Variants in TTN observed in about 807,000 individuals in gnomAD.
TTN encodes the protein titin.
Under a neutral mutation model 3,223.0 loss-of-function variants are expected in TTN, and 1,525 were observed. That is an observed-to-expected ratio of 0.47 (90% CI 0.45 to 0.49). TTN has a LOEUF of 0.49. TTN is among the 20% of genes least tolerant of loss of function. TTN has a pLI of 0.00. For synonymous variants in TTN, 14,094 were observed against 15,161.0 expected, an observed-to-expected ratio of 0.93 and a Z score of 5.17; for missense variants, 40,786 against 43,424.0, an observed-to-expected ratio of 0.94 and a Z score of 5.40.
chr2:178,667,290 C>G lies in TTN; in HGVS notation c.35743G>C (p.Glu11915Gln). 2.5e-6 allele frequency: 4 copies of G among 1,605,170 alleles called. No homozygotes were observed. Among genetic ancestry groups the G allele is most frequent in the Non-Finnish European group, 3.4e-6 (4 of 1,175,950 alleles). ...GGAATAGCCTCAGGTGGCTCCACCT[C>G]TGGAAAAATGCCTCTGGTTGTATCA... ...EPDTTRGIFP[E>Q]VEPPEAIPEI... The change falls in exon 162 of 363, where the codon GAG becomes CAG. Residue 11915 changes from glutamate to glutamine, a missense_variant. By Grantham distance (29) the Glu-to-Gln change is conservative. Coordinates refer to ENST00000589042, the MANE Select transcript of TTN (RefSeq NM_001267550.2).
intron 142 of TTN, 48 bp downstream of exon 142, chr2:178,679,291 C>T: frequency 3.2e-6 from 5 of 1,584,440 alleles, no homozygotes; most frequent in Non-Finnish European, 4.3e-6. Flanking sequence ...AGTTATGCTG[C>T]ATGGGTGAAT....
chr2:178,751,992 C>G, intron 47 of TTN: 2 of 1,586,760 alleles, frequency 1.3e-6, no homozygotes, highest in East Asian at 4.5e-5. Context: ...GAAAAGGCGT[C>G]ACGTGTATCC....
chr2:178,541,983 C>T (rs1356919420), intron 349 of TTN: 3 of 311,544 alleles, frequency 9.6e-6, no homozygotes, highest in Admixed American at 4.5e-5. Flanking sequence ...TCCTTCCCTT[C>T]TCTCTTTTCT....
rs372750796 is a variant in TTN, at chr2:178,583,633, T to A, written c.65549A>T (p.Asp21850Val). The A allele has an allele frequency of 2.5e-6, 4 of 1,608,820 alleles. No individual in the cohort carries two copies. The highest frequency in any genetic ancestry group is 3.4e-6 in the Non-Finnish European group (4 of 1,176,920). The change falls in exon 312 of 363, where the codon GAT (aspartate) becomes GTT (valine). Residue 21850 changes from aspartate to valine, a missense_variant. Coordinates refer to ENST00000589042, the MANE Select transcript of TTN (RefSeq NM_001267550.2). ...ATTTTCTGCGAGGATAGTCACTGGA[T>A]CAGAAGGTTCAGAAGGTGGGCTAAT... ...VNISPPSEPS[D>V]PVTILAENVP...
intron 47 of TTN, chr2:178,752,077 G>T: frequency 1.3e-6 from 2 of 1,552,572 alleles, no homozygotes; most frequent in South Asian, 2.4e-5. Context: ...ATTTTCCATA[G>T]AACTTGAAAA....
In TTN at chr2:178,629,420, G is replaced by T; in HGVS notation, c.44305C>A (p.Pro14769Thr). The T allele has an allele frequency of 6.2e-7, 1 of 1,612,958 alleles. No individual in the cohort carries two copies. Among genetic ancestry groups the T allele is most frequent in the East Asian group, 2.2e-5 (1 of 44,706 alleles). The change falls in exon 240 of 363, where the codon CCT (proline) becomes ACT (threonine). Residue 14769 changes from proline (P) to threonine (T), a missense_variant. Pro to Thr is a conservative substitution (Grantham distance 38, BLOSUM62 -1). Transcript: ENST00000589042. The part of the protein sequence containing the change: ...VKPRVIGLLR[P>T]LKDVTVTAGE... The stretch of plus-strand genomic sequence containing the variant: ...GCAGTCACGGTGACATCCTTTAAAG[G>T]CCTCAGAAGACCAATTACTCGTGCT...
chr2:178,800,646 T>C lies in TTN; in HGVS notation c.332A>G (p.Gln111Arg). The change falls in exon 4 of 363, where the codon CAG becomes CGG. Residue 111 changes from glutamine (Q) to arginine (R), a missense_variant. Coordinates refer to ENST00000589042, the MANE Select transcript of TTN (RefSeq NM_001267550.2). ...GCTTCCTTGTCTCACGGTCATGCTC[T>C]GCAGTCGTTGAACGAAGTTGGGTGG... The part of the protein sequence containing the change: ...TAPPNFVQRL[Q>R]SMTVRQGSQV... 1 of 1,610,740 alleles carries C rather than the reference T, an allele frequency of 6.2e-7. No individual in the cohort carries two copies. Among genetic ancestry groups the C allele is most frequent in the African/African-American group, 1.3e-5 (1 of 74,972 alleles).
In TTN at chr2:178,619,690, G is replaced by A; in HGVS notation, c.46627C>T (p.Pro15543Ser). The change falls in exon 250 of 363, where the codon CCC (proline) becomes TCC (serine). Residue 15543 changes from proline (P) to serine (S), a missense_variant. By Grantham distance (74) the Pro-to-Ser change is moderately conservative. Coordinates refer to ENST00000589042, the MANE Select transcript of TTN (RefSeq NM_001267550.2). ...IHRLQICDIK[P>S]RDQGEYRFIA... ...AATCTGTATTCACCCTGGTCACGGG[G>A]CTTAATATCACAAATCTGTAGTCGA... 1 of 1,612,208 alleles carries A rather than the reference G, an allele frequency of 6.2e-7. No homozygotes were observed. Among genetic ancestry groups the A allele is most frequent in the Non-Finnish European group, 8.5e-7 (1 of 1,178,872 alleles).
In TTN at chr2:178,741,523, T is replaced by G; in HGVS notation, c.11710A>C (p.Ser3904Arg). The G allele has an allele frequency of 6.2e-7, 1 of 1,613,914 alleles. No individual in the cohort carries two copies. Among genetic ancestry groups the G allele is most frequent in the Non-Finnish European group, 8.5e-7 (1 of 1,179,832 alleles). ...ASNDYGKTICSAYLKINSKGE... is the reference protein window; with the variant it reads ...ASNDYGKTICRAYLKINSKGE... ...TTGGAATTAATTTTTAGATAGGCAC[T>G]ACATATTGTCTTTCCATAGTCATTA... The change falls in exon 48 of 363, where the codon AGT (serine) becomes CGT (arginine). Residue 3904 changes from serine to arginine, a missense_variant. Ser to Arg is a moderately radical substitution (Grantham distance 110). Coordinates refer to ENST00000589042, the MANE Select transcript of TTN (RefSeq NM_001267550.2).
Position 178,616,787 on chromosome 2 carries a change from T to C in TTN, c.48102A>G (p.Thr16034=), listed in dbSNP as rs775753109. ...PSERSDKGIY[T]LKLENRVKTI... is the part of the protein sequence containing the mutation. ...TTTTCACACGGTTTTCTAATTTCAG[T>C]GTATAAATGCCCTTGTCTGAACGTT... Residue 16034 remains threonine (T), a synonymous_variant, in exon 256 of 363, where the codon ACA becomes ACG. Transcript: ENST00000589042. The C allele has an allele frequency of 6.2e-6, 10 of 1,612,664 alleles. No homozygotes were observed. The highest frequency in any genetic ancestry group is 8.5e-6 in the Non-Finnish European group (10 of 1,179,192).
rs1561323791 is a variant in TTN, at chr2:178,779,110, C to T, written c.3972G>A (p.Trp1324Ter). The T allele has an allele frequency of 6.2e-7, 1 of 1,613,752 alleles. No individual in the cohort carries two copies. Among genetic ancestry groups the T allele is most frequent in the Non-Finnish European group, 8.5e-7 (1 of 1,179,920 alleles). The change falls in exon 24 of 363, where the codon TGG (tryptophan) becomes TGA (stop). Residue 1324 changes from tryptophan to a stop codon, truncating the protein, a stop_gained. Coordinates refer to ENST00000589042, the MANE Select transcript of TTN (RefSeq NM_001267550.2). LOFTEE classifies it high-confidence loss of function. ...MSGYPLPKIAWYKDGKRIKHG... is the reference protein window; with the variant it reads ...MSGYPLPKIA ...GTTTGATGCGCTTGCCATCTTTGTA[C>T]CAAGCAATCTGCAAAGAATACCATG...
chr2:178,599,650 T>A lies in TTN; in HGVS notation c.56251A>T (p.Ile18751Phe). The A allele has an allele frequency of 1.9e-6, 3 of 1,612,966 alleles. No homozygotes were observed. The highest frequency in any genetic ancestry group is 1.7e-4 in the Middle Eastern group (1 of 6,048). The part of the protein sequence containing the change: ...LVVDDTCTLV[I>F]PQSRRSDTGL... ...GTGTCACTCCTGCGAGACTGCGGAA[T>A]AACTAAAGTGCAAGTATCATCTACC... The change falls in exon 289 of 363, where the codon ATT (isoleucine) becomes TTT (phenylalanine). Residue 18751 changes from isoleucine to phenylalanine, a missense_variant. Coordinates refer to ENST00000589042, the MANE Select transcript of TTN (RefSeq NM_001267550.2).
At chr2:178,685,474 G>A (rs1366408555) in intron 128 of TTN, 44 bp downstream of exon 128, 1 of 1,564,506 alleles carries the variant, frequency 6.4e-7, no homozygotes, top group African/African-American at 1.4e-5. Context: ...TAAAGAAGGA[G>A]ACAAGCTAAC....
Position 178,560,254 on chromosome 2 carries a change from A to C in TTN, c.85878T>G (p.Tyr28626Ter). Residue 28626 changes from tyrosine (Y) to a stop codon, truncating the protein, a stop_gained, in exon 326 of 363, where the codon TAT becomes TAG. Coordinates refer to ENST00000589042, the MANE Select transcript of TTN (RefSeq NM_001267550.2). LOFTEE classifies it high-confidence loss of function. Reference protein sequence around the residue: ...REGCEYEYRVYAENAAGLSLP... With the variant: ...REGCEYEYRV ...GACTTAGGCCAGCAGCATTTTCTGCATAAACACGATATTCATATTCACATC... is the reference window on the plus strand; with the variant it reads ...GACTTAGGCCAGCAGCATTTTCTGCCTAAACACGATATTCATATTCACATC... 6.2e-7 allele frequency: 1 copy of C among 1,613,862 alleles called. No individual in the cohort carries two copies. The highest frequency in any genetic ancestry group is 8.5e-7 in the Non-Finnish European group (1 of 1,179,804).
At chr2:178,538,031 A>G in intron 354 of TTN, 114 bp from the exon 355 acceptor site, 1 of 988,978 alleles carries the variant, frequency 1.0e-6, no homozygotes, top group South Asian at 1.8e-5. Context: ...CATGATTTAC[A>G]TATTAGCCTA....
rs2154208228 is a variant in TTN at position 178,616,718 on chromosome 2, T to C, written c.48160+11A>G. 6.2e-7 allele frequency: 1 copy of C among 1,612,288 alleles called. No homozygotes were observed. Among genetic ancestry groups the C allele is most frequent in the Non-Finnish European group, 8.5e-7 (1 of 1,179,078 alleles). On this transcript the variant is annotated intron_variant, in intron 256 of 362. Coordinates refer to ENST00000589042, the MANE Select transcript of TTN (RefSeq NM_001267550.2). ...CAAATCACCTTAGATGATAAATGTT[T>C]TGTTCCTTACCAATTACATTGACAT...
intron 288 of TTN, chr2:178,600,600 G>A: frequency 2.0e-6 from 1 of 500,746 alleles, no homozygotes; most frequent in Non-Finnish European, 3.6e-6. Flanking sequence ...AAATAAAACA[G>A]ACTGCGAGGA....
Position 178,607,933 on chromosome 2 carries a change from G to T in TTN, c.52854C>A (p.Arg17618=), listed in dbSNP as rs899709298. The change falls in exon 276 of 363, where the codon CGC becomes CGA. Residue 17618 remains arginine (R), a synonymous_variant. Coordinates refer to ENST00000589042, the MANE Select transcript of TTN (RefSeq NM_001267550.2). Reference sequence around the variant, plus strand: ...GGACCTTGATCATCTTCTCTGTGCAGCGTGACCATTCATTTGTGCCAACCA... The same window carrying T: ...GGACCTTGATCATCTTCTCTGTGCATCGTGACCATTCATTTGTGCCAACCA... ...KQLVGTNEWS[R]CTEKMIKVRQ... 2 of 1,612,886 alleles carry T rather than the reference G, an allele frequency of 1.2e-6. No homozygotes were observed. Among genetic ancestry groups the T allele is most frequent in the Non-Finnish European group, 1.7e-6 (2 of 1,179,304 alleles).
chr2:178,792,598 G>A (rs2093566766), intron 9 of TTN, among the ~76,000 whole-genome samples: 1 of 152,192 alleles, frequency 6.6e-6, no homozygotes, highest in Admixed American at 6.5e-5. Flanking sequence ...TTTTACATGT[G>A]AGAAATCAAG....
Sources: allele counts gnomAD v4.1 joint callset (sites outside exome capture counted in the v4.1 genomes callset), GRCh38; gene constraint gnomAD v4.1.1; transcripts MANE v1.5; gene names NCBI Gene and HGNC (gene_info 2026-07-23, HGNC 2026-07-21).